The following CACNA1E variants were observed in gnomAD, a reference collection of about 807,000 sequenced individuals.
The protein encoded by CACNA1E is voltage-dependent R-type calcium channel subunit alpha-1E.
In CACNA1E, 40 loss-of-function variants were observed where a neutral mutation model predicts 259.2. The ratio of observed to expected loss-of-function variants is 0.15; its 90% CI spans 0.12 to 0.20. The LOEUF (loss-of-function observed/expected upper bound fraction) is 0.20. Ranked by LOEUF, CACNA1E falls within the 10% of genes least tolerant of loss-of-function variation. CACNA1E has a pLI of 1.00. For synonymous variants in CACNA1E, 1,104 were observed against 1,138.5 expected (o/e 0.97, Z 0.61); for missense variants, 1,874 against 3,040.1 (o/e 0.62, Z 9.02).
chr1:181,371,927 C>G (rs965229603), intron 1 of CACNA1E, among the ~76,000 whole-genome samples: 1 of 152,186 alleles, frequency 6.6e-6, no homozygotes, highest in Non-Finnish European at 1.5e-5. Flanking sequence ...GTTCGTTAAC[C>G]TGTTCCATTA....
At chr1:181,438,736 G>T (rs1558005486) in intron 2 of CACNA1E, among the ~76,000 whole-genome samples, 2 of 152,338 alleles carry the variant, frequency 1.3e-5, no homozygotes, top group East Asian at 3.9e-4. Context: ...ACACTGGTGG[G>T]AGCATAACTG....
At chr1:181,339,903 G>A (rs1246057814) in intron 1 of CACNA1E, among the ~76,000 whole-genome samples, 1 of 151,956 alleles carries the variant, frequency 6.6e-6, no homozygotes, top group African/African-American at 2.4e-5. Context: ...TTCAGAAAAT[G>A]TTTTCCTAGT....
chr1:181,614,803 T>G (rs2103128100), intron 6 of CACNA1E, among the ~76,000 whole-genome samples: 1 of 152,358 alleles, frequency 6.6e-6, no homozygotes, highest in South Asian at 2.1e-4. Flanking sequence ...CTACATATAT[T>G]TTGTGCATTC....
intron 35 of CACNA1E, 85 bp from the exon 36 acceptor site, chr1:181,771,208 G>A: frequency 1.4e-6 from 1 of 710,270 alleles, no homozygotes. Flanking sequence ...GAAGAGCCAT[G>A]CAAGTGGCTT....
intron 2 of CACNA1E, among the ~76,000 whole-genome samples, chr1:181,473,805 G>C (rs997109108): frequency 5.3e-5 from 8 of 152,180 alleles, no homozygotes; most frequent in Non-Finnish European, 7.3e-5. Flanking sequence ...GGGTTTTGAA[G>C]TCAGGGTGAC....
At chr1:181,398,696 A>T (rs928222956) in intron 1 of CACNA1E, among the ~76,000 whole-genome samples, 1 of 152,054 alleles carries the variant, frequency 6.6e-6, no homozygotes, top group African/African-American at 2.4e-5. Context: ...TTGCTCTGTC[A>T]CCCCCACCCA....
At chr1:181,477,542 T>C (rs1558034384) in intron 2 of CACNA1E, among the ~76,000 whole-genome samples, 1 of 152,168 alleles carries the variant, frequency 6.6e-6, no homozygotes, top group East Asian at 1.9e-4. Flanking sequence ...CTCTCTCAGG[T>C]ATCATGGCCT....
intron 7 of CACNA1E, among the ~76,000 whole-genome samples, chr1:181,709,003 T>C (rs1653068951): frequency 6.6e-6 from 1 of 152,070 alleles, no homozygotes; most frequent in Non-Finnish European, 1.5e-5. Flanking sequence ...ATTGCAGTGG[T>C]CCAGGCAGGG....
chr1:181,397,710 C>T (rs1436098096), intron 1 of CACNA1E, among the ~76,000 whole-genome samples: 1 of 152,230 alleles, frequency 6.6e-6, no homozygotes, highest in African/African-American at 2.4e-5. Context: ...AATCCAGCTC[C>T]AGGACCTGGT....
chr1:181,458,315 T>A (rs1199028938), intron 2 of CACNA1E, among the ~76,000 whole-genome samples: 1 of 152,156 alleles, frequency 6.6e-6, no homozygotes, highest in African/African-American at 2.4e-5. Flanking sequence ...TGGCTCCCCA[T>A]TCCTACCCCT....
At chr1:181,342,069 G>A (rs1203696580) in intron 1 of CACNA1E, among the ~76,000 whole-genome samples, 3 of 152,154 alleles carry the variant, frequency 2.0e-5, no homozygotes, top group Admixed American at 1.3e-4. Context: ...AGTGGTCTGA[G>A]GAAGTGATAT....
At position 181,489,836 on chromosome 1, in the gene CACNA1E, C is replaced by A. The variant is rs78851600; in HGVS notation, c.266+5826C>A. On this transcript the variant is annotated intron_variant, in intron 1 of 47. Transcript: ENST00000367573. ...ATTAGTGTCTAACACTCCGCCACCA[C>A]TACCACCACCACGATGTGGCTTCTA... is the stretch of plus-strand genomic sequence containing the variant. Among the ~76,000 whole-genome samples the A allele has an allele frequency of 7.1e-3, 1,080 of 152,322 alleles. 10 individuals carry two copies. Among genetic ancestry groups the A allele is most frequent in the African/African-American group, 0.022 (905 of 41,568 alleles).
Position 181,799,175 on chromosome 1 carries a change from G to A in CACNA1E, c.*341G>A, listed in dbSNP as rs1662084060. On this transcript the variant is annotated 3_prime_UTR_variant, in exon 48 of 48. Coordinates refer to ENST00000367573, the MANE Select transcript of CACNA1E (RefSeq NM_001205293.3). ...TTTCTAAAAGCTGTGGAGGGATCTAGCTGGCCTATGTCTACACTCAGTGCC... is the reference window on the plus strand; with the variant it reads ...TTTCTAAAAGCTGTGGAGGGATCTAACTGGCCTATGTCTACACTCAGTGCC... 5.0e-6 allele frequency: 1 copy of A among 199,324 alleles called. No homozygotes were observed. Among genetic ancestry groups the A allele is most frequent in the Non-Finnish European group, 1.0e-5 (1 of 98,828 alleles). 12.3% of individuals were successfully genotyped at this position (199,324 alleles called of 1,614,324 possible). A position where few individuals can be genotyped will look rare whatever the true frequency, so the allele number is the denominator to read the frequency against.
At chr1:181,382,741 T>C (rs1369257722) in intron 1 of CACNA1E, among the ~76,000 whole-genome samples, 1 of 152,216 alleles carries the variant, frequency 6.6e-6, no homozygotes, top group Non-Finnish European at 1.5e-5. Flanking sequence ...GCTTCCCGTG[T>C]GCTTCATAAT....
chr1:181,435,406 A>C (rs1047285348), intron 2 of CACNA1E, among the ~76,000 whole-genome samples: 1 of 152,226 alleles, frequency 6.6e-6, no homozygotes, highest in Non-Finnish European at 1.5e-5. Flanking sequence ...TACCTCCACT[A>C]GCAGCAAGGT....
chr1:181,561,138 A>T (rs1444378832), intron 3 of CACNA1E, among the ~76,000 whole-genome samples: 1 of 152,186 alleles, frequency 6.6e-6, no homozygotes, highest in Non-Finnish European at 1.5e-5. Context: ...CAGATGAAAA[A>T]GTTCTGGAGA....
At chr1:181,786,927 A>G (rs566503901) in intron 43 of CACNA1E, among the ~76,000 whole-genome samples, 1 of 152,306 alleles carries the variant, frequency 6.6e-6, no homozygotes, top group South Asian at 2.1e-4. Flanking sequence ...TTTGGAAGAG[A>G]AGAAAAGGAT....
intron 3 of CACNA1E, among the ~76,000 whole-genome samples, chr1:181,543,484 C>T (rs1263613530): frequency 6.6e-6 from 1 of 152,158 alleles, no homozygotes; most frequent in Non-Finnish European, 1.5e-5. Context: ...CTAATTAGTT[C>T]ATAAGGGTAC....
At chr1:181,546,983 C>T (rs1214941097) in intron 3 of CACNA1E, among the ~76,000 whole-genome samples, 1 of 152,192 alleles carries the variant, frequency 6.6e-6, no homozygotes, top group Non-Finnish European at 1.5e-5. Context: ...AGCCTACATC[C>T]TCATTACCTG....
Sources: gnomAD v4.1 joint callset for allele counts (sites outside exome capture counted in the v4.1 genomes callset) on GRCh38, gnomAD v4.1.1 for gene constraint, MANE v1.5 for transcripts, NCBI Gene and HGNC (gene_info 2026-07-23, HGNC 2026-07-21) for gene names.